MAGI2: variants seen among roughly 807,000 people sequenced by gnomAD.
The protein encoded by MAGI2 is membrane-associated guanylate kinase, WW and PDZ domain-containing protein 2.
In MAGI2, 35 loss-of-function variants were observed where a neutral mutation model predicts 133.3. The observed-to-expected ratio is 0.26, with a 90% CI of 0.20 to 0.35. The LOEUF (loss-of-function observed/expected upper bound fraction) is 0.35, where lower values mean the gene tolerates loss of function less well. MAGI2 is among the 10% of genes least tolerant of loss of function. The pLI is 1.00. For missense variants in MAGI2, 1,636 were observed against 1,863.4 expected (o/e 0.88, Z 2.25); for synonymous variants, 729 against 710.6 (o/e 1.03, Z -0.41).
At chr7:78,700,546 G>C (rs1462221021) in intron 2 of MAGI2, among the ~76,000 whole-genome samples, 1 of 152,034 alleles carries the variant, frequency 6.6e-6, no homozygotes, top group African/African-American at 2.4e-5. Context: ...AAGTCCATCT[G>C]ACAGTGTTTA....
chr7:78,222,564 G>A (rs1304391122), intron 10 of MAGI2, among the ~76,000 whole-genome samples: 1 of 152,160 alleles, frequency 6.6e-6, no homozygotes, highest in African/African-American at 2.4e-5. Context: ...GCAGAGCTAG[G>A]ATTTTAAAAC....
At chr7:78,165,650 C>T (rs953219934) in intron 15 of MAGI2, among the ~76,000 whole-genome samples, 1 of 152,176 alleles carries the variant, frequency 6.6e-6, no homozygotes, top group African/African-American at 2.4e-5. Context: ...CTTCCTGCTG[C>T]TATCTCTTCC....
chr7:78,488,893 G>A (rs1395425796), intron 6 of MAGI2, among the ~76,000 whole-genome samples: 2 of 151,944 alleles, frequency 1.3e-5, no homozygotes, highest in Admixed American at 6.6e-5. Context: ...TAAAAACTTT[G>A]TTTAACGTTC....
At chr7:78,049,548 C>G (rs890242431) in intron 21 of MAGI2, among the ~76,000 whole-genome samples, 1 of 152,210 alleles carries the variant, frequency 6.6e-6, no homozygotes, top group African/African-American at 2.4e-5. Context: ...GTAATCTGCT[C>G]TTGCCTATAA....
chr7:78,585,025 T>C (rs561702796), intron 3 of MAGI2, among the ~76,000 whole-genome samples: 15 of 152,242 alleles, frequency 9.9e-5, no homozygotes, highest in South Asian at 2.1e-4. Context: ...TCTGATGAAA[T>C]GGTGAAGTAG....
At chr7:78,951,937 C>G (rs1801908063) in intron 2 of MAGI2, among the ~76,000 whole-genome samples, 2 of 152,128 alleles carry the variant, frequency 1.3e-5, no homozygotes, top group Non-Finnish European at 2.9e-5. Context: ...CTTCTAATAT[C>G]CTAACATTTC....
chr7:78,030,512 C>T (rs1809455768), intron 21 of MAGI2, among the ~76,000 whole-genome samples: 1 of 152,162 alleles, frequency 6.6e-6, no homozygotes, highest in Non-Finnish European at 1.5e-5. Flanking sequence ...ACCTTGGCCT[C>T]CCAAAATGCT....
At chr7:78,831,109 T>A (rs1563556277) in intron 2 of MAGI2, among the ~76,000 whole-genome samples, 1 of 152,166 alleles carries the variant, frequency 6.6e-6, no homozygotes, top group African/African-American at 2.4e-5. Context: ...GACATAAGTT[T>A]GGAAGATATC....
intron 16 of MAGI2, among the ~76,000 whole-genome samples, chr7:78,152,369 G>A (rs940396098): frequency 2.0e-5 from 3 of 152,104 alleles, no homozygotes; most frequent in African/African-American, 7.2e-5. Context: ...GATGCCCCAG[G>A]GTCTTGAATG....
In MAGI2 at chr7:78,068,367, G is replaced by A. The variant is rs140388016; in HGVS notation, c.3706+10580C>T. 2.1e-3 allele frequency among the ~76,000 whole-genome samples: 324 copies of A among 152,304 alleles called. 4 individuals are homozygous for A. The highest frequency in any genetic ancestry group is 4.3e-3 in the Non-Finnish European group (291 of 68,030). ...ACAGACCATGGACCAGTCAGGATCT[G>A]CAGCCCAGGGGTTGGGGACCCCTGA... On this transcript the variant is annotated intron_variant, in intron 21 of 21. Coordinates refer to ENST00000354212, the MANE Select transcript of MAGI2 (RefSeq NM_012301.4).
chr7:78,202,472 C>T (rs112628594), intron 10 of MAGI2, among the ~76,000 whole-genome samples: 3 of 151,862 alleles, frequency 2.0e-5, no homozygotes, highest in Admixed American at 6.6e-5. Context: ...TACCCAAGGT[C>T]GGGAGTTTGA....
intron 4 of MAGI2, chr7:78,518,802 G>A (rs960913693): frequency 6.6e-6 from 1 of 151,924 alleles, no homozygotes; most frequent in African/African-American, 2.4e-5. Context: ...GCACCATCAC[G>A]GCTCATTGCA....
intron 6 of MAGI2, among the ~76,000 whole-genome samples, chr7:78,414,458 GCTTTATTTTATTCTTTGTA>G (rs1426389549): frequency 6.6e-6 from 1 of 151,774 alleles, no homozygotes; most frequent in Non-Finnish European, 1.5e-5. Flanking sequence ...TTGTTGTTGG[GCTTTATTTTATTCTTTGTA>G]CTTTATTTTT....
intron 2 of MAGI2, among the ~76,000 whole-genome samples, chr7:78,714,297 T>C (rs1296169356): frequency 6.6e-6 from 1 of 152,196 alleles, no homozygotes; most frequent in African/African-American, 2.4e-5. Context: ...CATTTTAATA[T>C]CCAATTCTGC....
At position 78,330,399 on chromosome 7, in the gene MAGI2, C is replaced by A. The variant is rs1352087687; in HGVS notation, c.1408+13379G>T. On this transcript the variant is annotated intron_variant, in intron 9 of 21. Coordinates refer to ENST00000354212, the MANE Select transcript of MAGI2 (RefSeq NM_012301.4). ...TTGGGAGGCCGAGGCGGGCGGATCA[C>A]GAGGTCAGGAGATCGAGACCATCCT... 5.3e-5 allele frequency among the ~76,000 whole-genome samples: 2 copies of A among 37,808 alleles called. 1 individual carries two copies. Among genetic ancestry groups the A allele is most frequent in the Non-Finnish European group, 1.3e-4 (2 of 15,670 alleles). 24.8% of individuals were successfully genotyped at this position (37,808 alleles called of 152,430 possible). A position where few individuals can be genotyped will look rare whatever the true frequency, so the allele number is the denominator to read the frequency against.
intron 1 of MAGI2, among the ~76,000 whole-genome samples, chr7:79,103,121 C>T (rs1818136027): frequency 6.6e-6 from 1 of 152,218 alleles, no homozygotes; most frequent in Non-Finnish European, 1.5e-5. Flanking sequence ...ATACCTCCTA[C>T]TGATTCTGTT....
At chr7:78,913,465 C>T (rs975135552) in intron 2 of MAGI2, among the ~76,000 whole-genome samples, 1 of 152,146 alleles carries the variant, frequency 6.6e-6, no homozygotes, top group Non-Finnish European at 1.5e-5. Flanking sequence ...GCAGAAACCA[C>T]TATGCTTCCC....
At chr7:79,354,506 C>T (rs1019610320) in intron 1 of MAGI2, 3 of 152,202 alleles carry the variant, frequency 2.0e-5, no homozygotes, top group Admixed American at 6.5e-5. Context: ...CAAACTTACC[C>T]ACTTCTTGGA....
intron 21 of MAGI2, among the ~76,000 whole-genome samples, chr7:78,065,945 A>C (rs1813760379): frequency 1.3e-5 from 2 of 152,344 alleles, no homozygotes; most frequent in South Asian, 4.1e-4. Context: ...CACAAATGTT[A>C]ATAAAATTTG....
Sources: allele counts gnomAD v4.1 joint callset (sites outside exome capture counted in the v4.1 genomes callset), GRCh38; gene constraint gnomAD v4.1.1; transcripts MANE v1.5; gene names NCBI Gene and HGNC (gene_info 2026-07-23, HGNC 2026-07-21).